Variants in EDA observed in about 807,000 individuals in gnomAD.
EDA encodes the protein ectodysplasin-A.
EDA carries 2 observed loss-of-function variants against 23.6 expected under a neutral mutation model. The observed-to-expected ratio is 0.08, with a 90% CI of 0.03 to 0.27. The LOEUF (loss-of-function observed/expected upper bound fraction) is 0.27, where lower values mean the gene tolerates loss of function less well. Ranked by LOEUF, EDA falls within the 10% of genes least tolerant of loss-of-function variation. The pLI, the probability that EDA is intolerant of heterozygous loss-of-function variation, is 1.00. For missense variants in EDA, 229 were observed against 324.2 expected (o/e 0.71, Z 2.26); for synonymous variants, 131 against 132.0 (o/e 0.99, Z 0.05).
At chrX:69,948,950 C>G (rs1353412210) in intron 1 of EDA, among the ~76,000 whole-genome samples, 1 of 111,334 alleles carries the variant, frequency 9.0e-6, no homozygotes, top group Non-Finnish European at 1.9e-5. Flanking sequence ...ATGAGACAAC[C>G]CTGTTTCACT....
intron 1 of EDA, chrX:69,860,850 C>A: frequency 1.9e-6 from 1 of 524,505 alleles, no homozygotes; most frequent in East Asian, 3.6e-5. Flanking sequence ...CTCCCCATCT[C>A]TTTCAGGGAC....
chrX:69,828,284 C>T (rs896128949), intron 1 of EDA, among the ~76,000 whole-genome samples: 25 of 112,176 alleles, frequency 2.2e-4, no homozygotes, highest in Admixed American at 3.8e-4. Context: ...CAATGGTGGG[C>T]GCCCCTCTCC....
At chrX:69,671,513 G>T (rs770125014) in intron 1 of EDA, among the ~76,000 whole-genome samples, 2 of 111,655 alleles carry the variant, frequency 1.8e-5, no homozygotes, top group East Asian at 2.8e-4. Context: ...AATGACTGCA[G>T]TTTTCCCACT....
chrX:69,753,504 G>T (rs1199118080), intron 1 of EDA, among the ~76,000 whole-genome samples: 1 of 111,746 alleles, frequency 8.9e-6, no homozygotes, highest in African/African-American at 3.3e-5. Context: ...CCACTATGTG[G>T]TCAATTTTGG....
intron 1 of EDA, among the ~76,000 whole-genome samples, chrX:69,790,846 CT>C (rs35288981): frequency 9.7e-6 from 1 of 102,727 alleles, no homozygotes. Flanking sequence ...TTCCTCATGG[CT>C]TTTTTTTTTG....
rs370182402 is a variant in EDA at position 69,918,990 on chromosome X, CA to C, written c.397-38025del. Among the ~76,000 whole-genome samples, 104 of 95,918 alleles carry C rather than the reference CA, an allele frequency of 1.1e-3. 1 individual carries two copies. The highest frequency in any genetic ancestry group is 5.2e-3 in the Middle Eastern group (1 of 191). 83.3% of individuals were successfully genotyped at this position (95,918 alleles called of 115,157 possible). A position where few individuals can be genotyped will look rare whatever the true frequency, so the allele number is the denominator to read the frequency against. ...TTATTGTATTTTTTAATCCCCATTA[CA>C]AAAAAAAAAAACTCTTGGGTGCATT... On this transcript the variant is annotated intron_variant, in intron 1 of 7. Coordinates refer to ENST00000374552, the MANE Select transcript of EDA (RefSeq NM_001399.5).
At chrX:69,670,126 A>C in intron 1 of EDA, 1 of 304,174 alleles carries the variant, frequency 3.3e-6, no homozygotes, top group Non-Finnish European at 5.7e-6. Context: ...TCTGGGAAAA[A>C]CTGTCTCCTT....
chrX:69,957,475 T>A, intron 2 of EDA: 1 of 95,398 alleles, frequency 1.0e-5, no homozygotes, highest in Non-Finnish European at 1.8e-5. Flanking sequence ...CGAGACTCCA[T>A]CTCAAAAAAA....
intron 1 of EDA, among the ~76,000 whole-genome samples, chrX:69,912,561 C>T (rs1386878269): frequency 5.4e-5 from 6 of 111,260 alleles, no homozygotes; most frequent in African/African-American, 9.8e-5. Flanking sequence ...CCTAGTACAT[C>T]TCCATCAGAG....
At chrX:69,804,713 A>G (rs1250947786) in intron 1 of EDA, among the ~76,000 whole-genome samples, 1 of 111,014 alleles carries the variant, frequency 9.0e-6, no homozygotes, top group African/African-American at 3.3e-5. Flanking sequence ...ATCTTCATGT[A>G]ACTAAATGGC....
At chrX:69,728,787 G>C (rs1602342217) in intron 1 of EDA, among the ~76,000 whole-genome samples, 1 of 111,140 alleles carries the variant, frequency 9.0e-6, no homozygotes, top group Non-Finnish European at 1.9e-5. Context: ...GAAGAACCCA[G>C]GTTTAAGAGG....
At chrX:69,918,814 G>A (rs149664611) in intron 1 of EDA, among the ~76,000 whole-genome samples, 1 of 111,696 alleles carries the variant, frequency 9.0e-6, no homozygotes, top group African/African-American at 3.3e-5. Flanking sequence ...AGATAACTGA[G>A]AGTATTTGTG....
At chrX:69,955,982 C>T (rs972733142) in intron 1 of EDA, among the ~76,000 whole-genome samples, 1 of 112,151 alleles carries the variant, frequency 8.9e-6, no homozygotes, top group Admixed American at 9.5e-5. Flanking sequence ...AAGCCAGACC[C>T]ATTCACATAT....
intron 2 of EDA, among the ~76,000 whole-genome samples, chrX:69,962,621 G>C (rs925897217): frequency 9.0e-6 from 1 of 110,902 alleles, no homozygotes; most frequent in Non-Finnish European, 1.9e-5. Flanking sequence ...AGTAGAGGCA[G>C]GGTTTCACCT....
chrX:69,787,059 C>G (rs757355171), intron 1 of EDA, among the ~76,000 whole-genome samples: 51 of 103,586 alleles, frequency 4.9e-4, no homozygotes, highest in African/African-American at 1.7e-3. Flanking sequence ...CCTTCTTTGT[C>G]TCTTTTGATC....
chrX:69,625,362 C>T (rs1340647878), intron 1 of EDA, among the ~76,000 whole-genome samples: 1 of 110,630 alleles, frequency 9.0e-6, no homozygotes, highest in African/African-American at 3.3e-5. Context: ...GCAGTAGGAA[C>T]AGCAAGTGCA....
chrX:69,975,941 A>G (rs1007648494), intron 2 of EDA, among the ~76,000 whole-genome samples: 10 of 112,157 alleles, frequency 8.9e-5, no homozygotes, highest in African/African-American at 3.2e-4. Flanking sequence ...TTATGTTTCT[A>G]TCAGACATAG....
chrX:69,753,235 C>T (rs941000883), intron 1 of EDA, among the ~76,000 whole-genome samples: 3 of 112,001 alleles, frequency 2.7e-5, no homozygotes, highest in Non-Finnish European at 5.6e-5. Flanking sequence ...TTTCCCTCTA[C>T]ACACTGCTTT....
At chrX:69,807,728 T>TAATAAATTA (rs1363527816) in intron 1 of EDA, among the ~76,000 whole-genome samples, 3 of 110,243 alleles carry the variant, frequency 2.7e-5, no homozygotes, top group Non-Finnish European at 5.7e-5. Flanking sequence ...AACAGGCTCC[T>TAATAAATTA]GTCAGGCATT....
Sources: allele counts gnomAD v4.1 joint callset (sites outside exome capture counted in the v4.1 genomes callset), GRCh38; gene constraint gnomAD v4.1.1; transcripts MANE v1.5; gene names NCBI Gene and HGNC (gene_info 2026-07-23, HGNC 2026-07-21).